Variants in B3GALT1 observed in about 807,000 individuals in gnomAD.
B3GALT1 encodes the protein UDP-Gal:betaGlcNAc beta 1,3-galactosyltransferase, polypeptide 1.
Under a neutral mutation model 23.2 loss-of-function variants are expected in B3GALT1, and 10 were observed. The ratio of observed to expected loss-of-function variants is 0.43; its 90% CI spans 0.27 to 0.73. The LOEUF (loss-of-function observed/expected upper bound fraction) is 0.73, where lower values mean the gene tolerates loss of function less well. Ranked by LOEUF, B3GALT1 falls within the 30% of genes least tolerant of loss-of-function variation. The probability of loss-of-function intolerance (pLI) is 0.21; values close to 1 mark genes in which losing one functional copy is unlikely to be tolerated. For missense variants in B3GALT1, 299 were observed against 405.4 expected (o/e 0.74, Z 2.25); for synonymous variants, 156 against 141.5 (o/e 1.10, Z -0.73).
At chr2:167,618,507 C>G (rs938243034) in intron 2 of B3GALT1, among the ~76,000 whole-genome samples, 2 of 151,764 alleles carry the variant, frequency 1.3e-5, no homozygotes, top group African/African-American at 4.8e-5. Flanking sequence ...CTTACATAAC[C>G]ACAAAACCAT....
chr2:167,779,952 T>G (rs961777350), intron 3 of B3GALT1, among the ~76,000 whole-genome samples: 3 of 152,210 alleles, frequency 2.0e-5, no homozygotes, highest in Admixed American at 6.5e-5. Flanking sequence ...TCCAGCATTT[T>G]AAAATGTATA....
At chr2:167,464,858 A>G (rs1012586130) in intron 1 of B3GALT1, among the ~76,000 whole-genome samples, 12 of 152,194 alleles carry the variant, frequency 7.9e-5, no homozygotes, top group Admixed American at 7.9e-4. Flanking sequence ...ATTGATCACA[A>G]GAATGTTTTT....
At chr2:167,628,174 A>G (rs181353510) in intron 2 of B3GALT1, among the ~76,000 whole-genome samples, 2 of 151,732 alleles carry the variant, frequency 1.3e-5, no homozygotes, top group East Asian at 1.9e-4. Context: ...TTTTCTTAAC[A>G]GTGTACATTG....
At chr2:167,312,266 T>G (rs552382572) in intron 1 of B3GALT1, among the ~76,000 whole-genome samples, 2 of 152,062 alleles carry the variant, frequency 1.3e-5, no homozygotes, top group South Asian at 4.1e-4. Context: ...TGAAATTTGG[T>G]TTCATAAAAT....
chr2:167,739,935 CA>C lies in B3GALT1; in HGVS notation c.-351-78734del, dbSNP rs201348475. 1.4e-3 allele frequency among the ~76,000 whole-genome samples: 93 copies of C among 68,204 alleles called. 2 individuals are homozygous for C. The highest frequency in any genetic ancestry group is 6.8e-3 in the African/African-American group (88 of 12,898). The allele number at this position is 68,204 out of a possible 152,430, so 44.7% of individuals were successfully genotyped here. A position where few individuals can be genotyped will look rare whatever the true frequency, so the allele number is the denominator to read the frequency against. Reference sequence around the variant, plus strand: ...GTAAGAAGTTGTCTCTACAAAAAAACAAACAAAAAAAAAAAAATCTAGGCGT... The same window carrying C: ...GTAAGAAGTTGTCTCTACAAAAAAACAACAAAAAAAAAAAAATCTAGGCGT... On this transcript the variant is annotated intron_variant, in intron 3 of 4. Transcript: ENST00000392690.
chr2:167,347,300 A>G (rs547920183), intron 1 of B3GALT1, among the ~76,000 whole-genome samples: 2 of 152,310 alleles, frequency 1.3e-5, no homozygotes, highest in South Asian at 4.1e-4. Context: ...CTTAGGAGCC[A>G]CTTGCACTAG....
At chr2:167,830,173 G>A (rs1689316980) in intron 4 of B3GALT1, among the ~76,000 whole-genome samples, 1 of 152,120 alleles carries the variant, frequency 6.6e-6, no homozygotes, top group Admixed American at 6.5e-5. Context: ...ATGTCTTCAA[G>A]GACTGAGCAG....
chr2:167,393,549 C>T (rs1472818072), intron 1 of B3GALT1, among the ~76,000 whole-genome samples: 1 of 152,028 alleles, frequency 6.6e-6, no homozygotes, highest in Non-Finnish European at 1.5e-5. Context: ...TTCTTTTTAA[C>T]AAAATAAGTA....
chr2:167,819,425 T>TA (rs776088594), intron 4 of B3GALT1, among the ~76,000 whole-genome samples: 2 of 152,164 alleles, frequency 1.3e-5, no homozygotes, highest in Non-Finnish European at 2.9e-5. Flanking sequence ...TTTAAAGTGA[T>TA]AAAAAGCAAG....
chr2:167,446,971 G>A (rs767434485), intron 1 of B3GALT1, among the ~76,000 whole-genome samples: 1 of 152,136 alleles, frequency 6.6e-6, no homozygotes, highest in African/African-American at 2.4e-5. Context: ...TTGTGCTCTG[G>A]TTTCTCCCCA....
chr2:167,653,791 G>T (rs1685906361), intron 3 of B3GALT1, among the ~76,000 whole-genome samples: 1 of 152,130 alleles, frequency 6.6e-6, no homozygotes, highest in African/African-American at 2.4e-5. Flanking sequence ...AAATATATGT[G>T]CCACCACTGC....
chr2:167,462,222 A>C (rs138203107), intron 1 of B3GALT1, among the ~76,000 whole-genome samples: 1 of 152,300 alleles, frequency 6.6e-6, no homozygotes, highest in East Asian at 1.9e-4. Context: ...ATTTAGAATT[A>C]TATAATTGAA....
At chr2:167,641,880 C>T (rs1307621719) in intron 2 of B3GALT1, among the ~76,000 whole-genome samples, 1 of 152,140 alleles carries the variant, frequency 6.6e-6, no homozygotes, top group Non-Finnish European at 1.5e-5. Flanking sequence ...TATCTCCATC[C>T]TTGACTTTTC....
chr2:167,454,313 A>G (rs1699135768), intron 1 of B3GALT1, among the ~76,000 whole-genome samples: 1 of 152,232 alleles, frequency 6.6e-6, no homozygotes, highest in East Asian at 1.9e-4. Flanking sequence ...GGTTTGGAAC[A>G]GTAGGACTGA....
intron 3 of B3GALT1, among the ~76,000 whole-genome samples, chr2:167,712,857 G>A (rs1262170590): frequency 6.6e-6 from 1 of 152,102 alleles, no homozygotes; most frequent in Non-Finnish European, 1.5e-5. Flanking sequence ...TAATAGCAGA[G>A]ATTTAGAAAA....
rs138519410 is a variant in B3GALT1, at chr2:167,681,577, C to T, written c.-352+34611C>T. On this transcript the variant is annotated intron_variant, in intron 3 of 4. Transcript: ENST00000392690. Reference sequence around the variant, plus strand: ...CCAGTGTAAAAATATAGCAAGAAGACAACTGATTTCAGTGGTTGATTTACA... The same window carrying T: ...CCAGTGTAAAAATATAGCAAGAAGATAACTGATTTCAGTGGTTGATTTACA... 1.1e-3 allele frequency among the ~76,000 whole-genome samples: 169 copies of T among 152,300 alleles called. 1 individual carries two copies. The highest frequency in any genetic ancestry group is 5.4e-3 in the East Asian group (28 of 5,186).
In B3GALT1 at chr2:167,871,594, A is replaced by C. The variant is rs1473015101; in HGVS notation, c.*1574A>C. 2 of 152,174 alleles carry C rather than the reference A, an allele frequency of 1.3e-5. No individual in the cohort carries two copies. Among genetic ancestry groups the C allele is most frequent in the Non-Finnish European group, 2.9e-5 (2 of 68,024 alleles). 9.4% of individuals were successfully genotyped at this position (152,174 alleles called of 1,614,324 possible). On this transcript the variant is annotated 3_prime_UTR_variant, in exon 5 of 5. Transcript: ENST00000392690. ...GTTGCCTTGATATCCCAAGGTGCTG[A>C]AAGTAGAGGCAGCTGCCTTTCTTTG...
At chr2:167,619,508 GTA>G in intron 2 of B3GALT1, among the ~76,000 whole-genome samples, 1 of 151,996 alleles carries the variant, frequency 6.6e-6, no homozygotes, top group Admixed American at 6.6e-5. Flanking sequence ...GAACACTTCT[GTA>G]TCTGAATGTA....
chr2:167,752,322 T>A (rs555759101), intron 3 of B3GALT1, among the ~76,000 whole-genome samples: 3 of 152,268 alleles, frequency 2.0e-5, no homozygotes, highest in African/African-American at 7.2e-5. Flanking sequence ...AAAACATTGT[T>A]ACAATTTATG....
Sources: allele counts gnomAD v4.1 joint callset (sites outside exome capture counted in the v4.1 genomes callset), GRCh38; gene constraint gnomAD v4.1.1; transcripts MANE v1.5; gene names NCBI Gene and HGNC (gene_info 2026-07-23, HGNC 2026-07-21).